NTRK1: variants seen among roughly 807,000 people sequenced by gnomAD.
NTRK1 encodes the protein neurotrophic receptor tyrosine kinase 1.
NTRK1 carries 62 observed loss-of-function variants against 86.8 expected under a neutral mutation model. That is an observed-to-expected ratio of 0.71 (90% CI 0.58 to 0.88). NTRK1 has a LOEUF of 0.88. Among genes scored for constraint, NTRK1 ranks in the 40% least tolerant of loss-of-function variants. NTRK1 has a pLI of 0.00. For missense variants in NTRK1, 967 were observed against 1,078.4 expected, an observed-to-expected ratio of 0.90 and a Z score of 1.45; for synonymous variants, 469 against 456.6, an observed-to-expected ratio of 1.03 and a Z score of -0.35.
Position 156,876,479 on chromosome 1 carries a change from A to G in NTRK1, c.1712A>G (p.His571Arg). The G allele has an allele frequency of 6.2e-7, 1 of 1,613,866 alleles. No individual in the cohort carries two copies. The highest frequency in any genetic ancestry group is 8.5e-7 in the Non-Finnish European group (1 of 1,180,026). ...CTGCTCACCATGCTGCAGCACCAGCACATCGTGCGCTTCTTCGGCGTCTGC... is the reference window on the plus strand; with the variant it reads ...CTGCTCACCATGCTGCAGCACCAGCGCATCGTGCGCTTCTTCGGCGTCTGC... Reference protein sequence around the residue: ...AELLTMLQHQHIVRFFGVCTE... With the variant: ...AELLTMLQHQRIVRFFGVCTE... The change falls in exon 14 of 17, where the codon CAC (histidine) becomes CGC (arginine). Residue 571 changes from histidine to arginine, a missense_variant. Coordinates refer to ENST00000524377, the MANE Select transcript of NTRK1 (RefSeq NM_002529.4).
In NTRK1 at chr1:156,816,714, C is replaced by T. The variant is rs747802428; in HGVS notation, c.-64+876C>T. The T allele has an allele frequency of 3.8e-6, 6 of 1,597,174 alleles. No individual in the cohort carries two copies. The East Asian group carries it at 6.9e-5, about 18-fold the overall frequency. ...TGGGCCAGGGGGAACTCCATGAGGGCAGCCTCACAAGGGATCCCAGAGCAG... is the reference window on the plus strand; with the variant it reads ...TGGGCCAGGGGGAACTCCATGAGGGTAGCCTCACAAGGGATCCCAGAGCAG... On this transcript the variant is annotated intron_variant, in intron 1 of 16. Coordinates refer to the NTRK1 transcript ENST00000392302.
In NTRK1 at chr1:156,873,789, C is replaced by T. The variant is rs769324173; in HGVS notation, c.1007C>T (p.Ala336Val). 1 of 1,612,148 alleles carries T rather than the reference C, an allele frequency of 6.2e-7. No individual in the cohort carries two copies. Among genetic ancestry groups the T allele is most frequent in the Non-Finnish European group, 8.5e-7 (1 of 1,179,306 alleles). ...ATCTTCACTGAGTTCCTGGAGCCGG[C>T]AGCCAATGAGACCGTGCGGCACGGG... The part of the protein sequence containing the change: ...SFIFTEFLEP[A>V]ANETVRHGCL... Residue 336 changes from alanine to valine, a missense_variant, in exon 8 of 17, where the codon GCA becomes GTA. Coordinates refer to ENST00000524377, the MANE Select transcript of NTRK1 (RefSeq NM_002529.4).
intron 2 of NTRK1, chr1:156,844,267 A>G: frequency 6.2e-7 from 1 of 1,613,270 alleles, no homozygotes; most frequent in South Asian, 1.1e-5. Flanking sequence ...GCAGCCCCCC[A>G]GCATCCTCCT....
At chr1:156,867,813 A>G (rs2102891690) in intron 4 of NTRK1, among the ~76,000 whole-genome samples, 1 of 151,810 alleles carries the variant, frequency 6.6e-6, no homozygotes, top group South Asian at 2.1e-4. Flanking sequence ...AGGTGGGACT[A>G]CAGGTGCCCG....
At position 156,869,004 on chromosome 1, in the gene NTRK1, T is replaced by A. The variant is rs1647363720; in HGVS notation, c.717+357T>A. The stretch of plus-strand genomic sequence containing the variant: ...CCCAACAGACCATCCCTCCCGTACA[T>A]CACTTTTCTCTCTCCCTTCCTTCCT... On this transcript the variant is annotated intron_variant, in intron 6 of 16. Coordinates refer to ENST00000524377, the MANE Select transcript of NTRK1 (RefSeq NM_002529.4). 5.1e-5 allele frequency among the ~76,000 whole-genome samples: 3 copies of A among 58,428 alleles called. No individual in the cohort carries two copies. The South Asian group carries it at 1.4e-3, about 28-fold the overall frequency. The allele number at this position is 58,428 out of a possible 152,430, so 38.3% of individuals were successfully genotyped here. A position where few individuals can be genotyped will look rare whatever the true frequency, so the allele number is the denominator to read the frequency against.
At chr1:156,845,008 C>T (rs888728799) in intron 2 of NTRK1, 2 of 1,546,856 alleles carry the variant, frequency 1.3e-6, no homozygotes, top group Non-Finnish European at 8.8e-7. Flanking sequence ...GAAGTCAAAC[C>T]CCAAACCTTT....
At chr1:156,845,541 A>ACCCCCC in intron 2 of NTRK1, 4 of 1,288,358 alleles carry the variant, frequency 3.1e-6, no homozygotes, top group Non-Finnish European at 4.2e-6. Flanking sequence ...CCACCCACAA[A>ACCCCCC]CCCCACCCCT....
At chr1:156,833,720 G>A (rs1654524186) in intron 1 of NTRK1, among the ~76,000 whole-genome samples, 7 of 152,200 alleles carry the variant, frequency 4.6e-5, no homozygotes. Context: ...GGCTGGGGCT[G>A]AAACTCTGCC....
intron 1 of NTRK1, among the ~76,000 whole-genome samples, chr1:156,835,049 G>A (rs1400107218): frequency 6.6e-6 from 1 of 152,188 alleles, no homozygotes; most frequent in African/African-American, 2.4e-5. Flanking sequence ...ACTATAGGCA[G>A]AGGCCGACCA....
At chr1:156,839,522 A>G (rs1041047657) in intron 1 of NTRK1, among the ~76,000 whole-genome samples, 1 of 152,212 alleles carries the variant, frequency 6.6e-6, no homozygotes, top group African/African-American at 2.4e-5. Flanking sequence ...ACATGCCTCA[A>G]TGGTGTCTCT....
At position 156,846,530 on chromosome 1, in the gene NTRK1, G is replaced by T. The variant is rs750122799; in HGVS notation, c.50+4337G>T. The T allele has an allele frequency of 2.5e-6, 4 of 1,613,574 alleles. No individual in the cohort carries two copies. The East Asian group carries it at 8.9e-5, about 36-fold the overall frequency. ...CTCCAAATGCCTACCTGCAGGCAGC[G>T]TTCGGAGGTAGACGATGGGACTCTG... On this transcript the variant is annotated intron_variant, in intron 2 of 16. Transcript: ENST00000392302.
chr1:156,862,723 G>A (rs1440384577), intron 1 of NTRK1, among the ~76,000 whole-genome samples: 2 of 152,274 alleles, frequency 1.3e-5, no homozygotes, highest in East Asian at 1.9e-4. Flanking sequence ...CTTTGAGCAC[G>A]CTGGCCTGAC....
intron 1 of NTRK1, chr1:156,841,315 T>A: frequency 3.0e-6 from 4 of 1,347,282 alleles, no homozygotes; most frequent in Non-Finnish European, 4.1e-6. Flanking sequence ...TCAGAGGAGG[T>A]GAGCCAGAAT....
intron 1 of NTRK1, among the ~76,000 whole-genome samples, chr1:156,862,956 G>A (rs909624263): frequency 1.2e-4 from 18 of 152,074 alleles, no homozygotes; most frequent in African/African-American, 4.1e-4. Context: ...GAGGAAAGGA[G>A]GAAGGGAGGG....
chr1:156,860,992 G>A lies in NTRK1; in HGVS notation c.58G>A (p.Gly20Ser), dbSNP rs1209117147. 1 of 1,529,596 alleles carries A rather than the reference G, an allele frequency of 6.5e-7. No individual in the cohort carries two copies. 94.8% of individuals were successfully genotyped at this position (1,529,596 alleles called of 1,614,324 possible). A position where few individuals can be genotyped will look rare whatever the true frequency, so the allele number is the denominator to read the frequency against. The change falls in exon 1 of 17, where the codon GGC becomes AGC. Residue 20 changes from glycine to serine, a missense_variant. Physicochemically the swap from Gly to Ser is moderately conservative, Grantham distance 56 (BLOSUM62 0). Transcript: ENST00000524377. The part of the protein sequence containing the change: ...LGWHSWAAGP[G>S]SLLAWLILAS... ...CTGGCACAGCTGGGCTGCGGGGCCG[G>A]GCAGCCTGCTGGCTTGGCTGATACT... is the stretch of plus-strand genomic sequence containing the variant.
At chr1:156,849,982 C>T (rs896597965) in intron 2 of NTRK1, among the ~76,000 whole-genome samples, 5 of 151,884 alleles carry the variant, frequency 3.3e-5, no homozygotes, top group African/African-American at 9.7e-5. Context: ...GGCCCACTGC[C>T]GCCTTGACCT....
At position 156,881,734 on chromosome 1, in the gene NTRK1, C is replaced by G; in HGVS notation, c.*92C>G. 2 of 1,287,732 alleles carry G rather than the reference C, an allele frequency of 1.6e-6. No individual in the cohort carries two copies. The highest frequency in any genetic ancestry group is 2.1e-6 in the Non-Finnish European group (2 of 951,470). The allele number at this position is 1,287,732 out of a possible 1,614,324, so 79.8% of individuals were successfully genotyped here. ...GCTCCCAGCAGCCCCAGGGTGATCT[C>G]AAAGTATCTAATTCACCCTCAGCAT... On this transcript the variant is annotated 3_prime_UTR_variant, in exon 17 of 17. Transcript: ENST00000524377.
At chr1:156,878,027 G>A (rs1044988798) in intron 14 of NTRK1, among the ~76,000 whole-genome samples, 6 of 152,210 alleles carry the variant, frequency 3.9e-5, no homozygotes, top group Non-Finnish European at 7.4e-5. Context: ...CACAGGCTAG[G>A]GAGATACCAG....
intron 2 of NTRK1, among the ~76,000 whole-genome samples, chr1:156,850,593 G>A (rs774718542): frequency 2.4e-5 from 3 of 126,300 alleles, no homozygotes; most frequent in South Asian, 2.6e-4. Context: ...TGTAACTCAG[G>A]CCCTAGGCTG....
Sources: gnomAD v4.1 joint callset for allele counts (sites outside exome capture counted in the v4.1 genomes callset) on GRCh38, gnomAD v4.1.1 for gene constraint, MANE v1.5 for transcripts, NCBI Gene and HGNC (gene_info 2026-07-23, HGNC 2026-07-21) for gene names.